ADCY1: variants seen among roughly 807,000 people sequenced by gnomAD.
ADCY1 encodes adenylate cyclase 1.
A neutral mutation model predicts 105.4 loss-of-function variants in ADCY1; 28 were observed. The ratio of observed to expected loss-of-function variants is 0.27; its 90% CI spans 0.20 to 0.36. The LOEUF (loss-of-function observed/expected upper bound fraction) is 0.36, where lower values mean the gene tolerates loss of function less well. Among genes scored for constraint, ADCY1 ranks in the 10% least tolerant of loss-of-function variants. The probability of loss-of-function intolerance (pLI) is 1.00; values close to 1 mark genes in which losing one functional copy is unlikely to be tolerated. For synonymous variants in ADCY1, 655 were observed against 623.8 expected, an observed-to-expected ratio of 1.05 and a Z score of -0.75; for missense variants, 977 against 1,434.2, an observed-to-expected ratio of 0.68 and a Z score of 5.15.
At chr7:45,601,975 A>G (rs1205179971) in intron 2 of ADCY1, among the ~76,000 whole-genome samples, 3 of 152,100 alleles carry the variant, frequency 2.0e-5, no homozygotes. Context: ...AGAAGTGACC[A>G]GTGCCAGGGC....
At chr7:45,676,511 C>T (rs904731964) in intron 8 of ADCY1, among the ~76,000 whole-genome samples, 7 of 152,122 alleles carry the variant, frequency 4.6e-5, no homozygotes, top group South Asian at 2.1e-4. Flanking sequence ...TCTCTTCAGA[C>T]TTTACAGCAT....
intron 8 of ADCY1, among the ~76,000 whole-genome samples, chr7:45,671,310 C>A (rs138621211): frequency 8.4e-4 from 128 of 152,296 alleles, no homozygotes; most frequent in African/African-American, 2.7e-3. Context: ...TATGGATAGA[C>A]CACTGTTTGT....
chr7:45,708,558 A>G lies in ADCY1; in HGVS notation c.2932+94A>G. The G allele has an allele frequency of 2.1e-6, 2 of 971,396 alleles. No individual in the cohort carries two copies. The highest frequency in any genetic ancestry group is 3.0e-5 in the South Asian group (2 of 65,658). 60.2% of individuals were successfully genotyped at this position (971,396 alleles called of 1,614,324 possible). On this transcript the variant is annotated intron_variant, in intron 18 of 19. Transcript: ENST00000297323. This position sits in a 1 kb window ranked among gnomAD's most constrained non-coding sequence, Gnocchi z 4.7. ...TCAGCTGATGAGGTACCCTGGTCTT[A>G]CAGGAAGGAGGGTGGTGCCACCCAG...
At chr7:45,713,593 A>G in intron 19 of ADCY1, 100 bp from the exon 20 acceptor site, 2 of 680,236 alleles carry the variant, frequency 2.9e-6, no homozygotes, top group Non-Finnish European at 5.4e-6. Flanking sequence ...TTGGGCAGTC[A>G]GGGTGGACAG....
At position 45,686,700 on chromosome 7, in the gene ADCY1, G is replaced by C. The variant is rs778753000; in HGVS notation, c.2454+27G>C. ...CAAGACGAGCCCTTTCTGCTTTCTG[G>C]GGGTGGGGGATTTAGAGGAGGAAGA... On this transcript the variant is annotated intron_variant, in intron 14 of 19. Coordinates refer to ENST00000297323, the MANE Select transcript of ADCY1 (RefSeq NM_021116.4). The surrounding 1 kb of genome is among the most constrained non-coding windows in gnomAD (Gnocchi z 4.3). 15 of 1,578,508 alleles carry C rather than the reference G, an allele frequency of 9.5e-6. No homozygotes were observed. The highest frequency in any genetic ancestry group is 2.3e-5 in the South Asian group (2 of 87,444).
intron 14 of ADCY1, among the ~76,000 whole-genome samples, chr7:45,691,948 C>G (rs912184956): frequency 1.3e-5 from 2 of 151,152 alleles, no homozygotes; most frequent in Non-Finnish European, 3.0e-5. Flanking sequence ...AAGCCGTGGT[C>G]ATCATGCTTC....
At chr7:45,648,328 G>A (rs28605014) in intron 4 of ADCY1, among the ~76,000 whole-genome samples, 3,771 of 152,356 alleles carry the variant, frequency 0.025, 49 homozygotes, top group African/African-American at 0.037. Flanking sequence ...AAGGGAGTTG[G>A]GGAAGATGCC....
At chr7:45,660,279 C>G in intron 7 of ADCY1, 96 bp downstream of exon 7, 3 of 1,504,000 alleles carry the variant, frequency 2.0e-6, no homozygotes, top group Non-Finnish European at 2.7e-6. Context: ...TCTCCAAGCA[C>G]TGCTTCTCTG....
At chr7:45,639,711 G>A (rs950572731) in intron 4 of ADCY1, among the ~76,000 whole-genome samples, 2 of 152,188 alleles carry the variant, frequency 1.3e-5, no homozygotes, top group Non-Finnish European at 2.9e-5. Context: ...GTTTCCTGGC[G>A]CATGCCAGAG....
chr7:45,682,415 A>G, intron 11 of ADCY1, among the ~76,000 whole-genome samples: 1 of 152,092 alleles, frequency 6.6e-6, no homozygotes, highest in East Asian at 1.9e-4. Flanking sequence ...GAACATCAGG[A>G]GCGGGCAGAG....
intron 14 of ADCY1, among the ~76,000 whole-genome samples, chr7:45,691,443 T>C (rs959882332): frequency 3.3e-5 from 5 of 152,226 alleles, no homozygotes; most frequent in African/African-American, 1.2e-4. Flanking sequence ...GTACAAACAT[T>C]AGAGTGCCTC....
intron 4 of ADCY1, among the ~76,000 whole-genome samples, chr7:45,627,352 C>T (rs1178588068): frequency 6.6e-6 from 1 of 152,206 alleles, no homozygotes; most frequent in Non-Finnish European, 1.5e-5. Context: ...GACCTTTCAC[C>T]AGCCTTCTGT....
At position 45,575,011 on chromosome 7, in the gene ADCY1, A is replaced by G; in HGVS notation, c.468A>G (p.Pro156=). The change falls in exon 1 of 20, where the codon CCA becomes CCG. Residue 156 remains proline, a synonymous_variant. Coordinates refer to ENST00000297323, the MANE Select transcript of ADCY1 (RefSeq NM_021116.4). This position sits in a 1 kb window ranked among gnomAD's most constrained non-coding sequence, Gnocchi z 4.7. ...ARGSAGAAGG[P]ATAEQGVWQL... Reference sequence around the variant, plus strand: ...GTTCCGCCGGGGCCGCTGGGGGGCCAGCGACCGCCGAACAAGGGGTTTGGC... The same window carrying G: ...GTTCCGCCGGGGCCGCTGGGGGGCCGGCGACCGCCGAACAAGGGGTTTGGC... 1 of 1,611,572 alleles carries G rather than the reference A, an allele frequency of 6.2e-7. No homozygotes were observed. The highest frequency in any genetic ancestry group is 8.5e-7 in the Non-Finnish European group (1 of 1,179,364).
In ADCY1 at chr7:45,703,315, G is replaced by A. The variant is rs984368596; in HGVS notation, c.2455-61G>A. 43 of 1,496,372 alleles carry A rather than the reference G, an allele frequency of 2.9e-5. No individual in the cohort carries two copies. The highest frequency in any genetic ancestry group is 9.0e-5 in the East Asian group (4 of 44,248). The allele number at this position is 1,496,372 out of a possible 1,614,324, so 92.7% of individuals were successfully genotyped here. A position where few individuals can be genotyped will look rare whatever the true frequency, so the allele number is the denominator to read the frequency against. On this transcript the variant is annotated intron_variant, in intron 14 of 19. Transcript: ENST00000297323. This position sits in a 1 kb window ranked among gnomAD's most constrained non-coding sequence, Gnocchi z 5.9. ...TTTGGATGATTAGAAGGAAGTGTGC[G>A]GTGGGAACAAGTGAAGGCAGCGTGA...
At chr7:45,671,994 A>T (rs1293083676) in intron 8 of ADCY1, among the ~76,000 whole-genome samples, 1 of 151,922 alleles carries the variant, frequency 6.6e-6, no homozygotes, top group Non-Finnish European at 1.5e-5. Flanking sequence ...CATGTTTTTG[A>T]TGTCATGTCT....
At chr7:45,681,136 A>G (rs1344293167) in intron 11 of ADCY1, among the ~76,000 whole-genome samples, 2 of 152,254 alleles carry the variant, frequency 1.3e-5, no homozygotes, top group Non-Finnish European at 1.5e-5. Flanking sequence ...TGTCCATAAA[A>G]ATAATATTCA....
At chr7:45,648,292 C>A (rs543799305) in intron 4 of ADCY1, among the ~76,000 whole-genome samples, 1 of 152,128 alleles carries the variant, frequency 6.6e-6, no homozygotes, top group African/African-American at 2.4e-5. Flanking sequence ...GTCTGCATGG[C>A]GGTTAAGGGA....
chr7:45,698,892 T>G (rs768524643), intron 14 of ADCY1, among the ~76,000 whole-genome samples: 7 of 152,152 alleles, frequency 4.6e-5, no homozygotes, highest in Non-Finnish European at 5.9e-5. Flanking sequence ...GGCACCAGAG[T>G]GACCCCTGGT....
chr7:45,685,726 A>G (rs1784659145), intron 12 of ADCY1, among the ~76,000 whole-genome samples: 1 of 152,166 alleles, frequency 6.6e-6, no homozygotes, highest in Non-Finnish European at 1.5e-5. Flanking sequence ...GCTGGGGAGC[A>G]GGCAGGGCTG....
Sources: allele counts gnomAD v4.1 joint callset (sites outside exome capture counted in the v4.1 genomes callset), GRCh38; gene constraint gnomAD v4.1.1; non-coding constraint Gnocchi (gnomAD v3.1); transcripts MANE v1.5; gene names NCBI Gene and HGNC (gene_info 2026-07-23, HGNC 2026-07-21).